The following BPIFB3 variants were observed in gnomAD, a reference collection of about 807,000 sequenced individuals.
The protein encoded by BPIFB3 is BPI fold-containing family B member 3.
Under a neutral mutation model 53.1 loss-of-function variants are expected in BPIFB3, and 49 were observed. The observed-to-expected ratio is 0.92, with a 90% CI of 0.73 to 1.17. The LOEUF (loss-of-function observed/expected upper bound fraction) is 1.17. BPIFB3 is among the 50% of genes most tolerant of loss of function. The probability of loss-of-function intolerance (pLI) is 0.00; values close to 1 mark genes in which losing one functional copy is unlikely to be tolerated. For synonymous variants in BPIFB3, 271 were observed against 269.6 expected (o/e 1.01, Z -0.05); for missense variants, 628 against 592.5 (o/e 1.06, Z -0.62).
chr20:33,056,619 T>C, exon 2 of BPIFB3: 2 of 1,613,886 alleles, frequency 1.2e-6, no homozygotes, highest in Non-Finnish European at 1.7e-6. Context: ...CCGGGGCCTC[T>C]TGGGCTCAGG....
rs143149440 is a variant in BPIFB3 at position 33,064,701 on chromosome 20, C to A, written c.780C>A (p.Asp260Glu). The A allele has an allele frequency of 1.4e-3, 2,265 of 1,614,056 alleles. 5 individuals carry two copies. The highest frequency in any genetic ancestry group is 1.8e-3 in the Non-Finnish European group (2,127 of 1,179,968). Residue 260 changes from aspartate to glutamate, a missense_variant, in exon 8 of 15, where the codon GAC (aspartate) becomes GAA (glutamate). Coordinates refer to ENST00000375494, the Ensembl canonical transcript of BPIFB3. ...AGAGTGTAGCTGGTGATATCATTGA[C>A]TTCCCCAAGTCCCGTGCCCCAGCCA...
At chr20:33,059,294 G>A in intron 2 of BPIFB3, 84 bp from the exon 4 acceptor site, 1 of 931,118 alleles carries the variant, frequency 1.1e-6, no homozygotes, top group Admixed American at 2.0e-5. Context: ...GGTGAGATAG[G>A]GGACACCACC....
Position 33,056,702 on chromosome 20 carries a change from A to G in BPIFB3, c.281+4A>G. On this transcript the variant is annotated splice_donor_region_variant and intron_variant, in intron 2 of 14. Coordinates refer to ENST00000375494, the Ensembl canonical transcript of BPIFB3. ...GCGTTGTCGAGGAGCTCTCTGGGTG[A>G]GTCCCACCTGCTGCATGCCCTACAG... 1 of 1,578,372 alleles carries G rather than the reference A, an allele frequency of 6.3e-7. No individual in the cohort carries two copies. Among genetic ancestry groups the G allele is most frequent in the Non-Finnish European group, 8.6e-7 (1 of 1,163,844 alleles).
chr20:33,056,366 C>A (rs1016245319), intron 1 of BPIFB3, among the ~76,000 whole-genome samples, 176 bp from the exon 3 acceptor site: 3 of 152,182 alleles, frequency 2.0e-5, no homozygotes, highest in African/African-American at 7.2e-5. Flanking sequence ...ACAGGCCCTG[C>A]GGTGGGAGTA....
chr20:33,059,353 A>C (rs1006061723), intron 2 of BPIFB3, 25 bp from the exon 4 acceptor site: 21 of 1,568,786 alleles, frequency 1.3e-5, no homozygotes, highest in Admixed American at 1.7e-5. Flanking sequence ...GGAGTGAGCA[A>C]CCCTCTCCCT....
At chr20:33,055,782 T>C (rs1045473326) in intron 1 of BPIFB3, among the ~76,000 whole-genome samples, 2 of 152,088 alleles carry the variant, frequency 1.3e-5, no homozygotes. Context: ...CTGAGGCTGT[T>C]TGGGGACTGT....
At chr20:33,068,481 A>G (rs1467787172) in intron 9 of BPIFB3, among the ~76,000 whole-genome samples, 2 of 152,150 alleles carry the variant, frequency 1.3e-5, no homozygotes, top group Admixed American at 6.5e-5. Context: ...GTGAGTCTGG[A>G]GGGAGAACGC....
intron 6 of BPIFB3, 77 bp from the exon 8 acceptor site, chr20:33,064,380 C>G: frequency 8.4e-7 from 1 of 1,193,106 alleles, no homozygotes; most frequent in Non-Finnish European, 1.2e-6. Context: ...AGCAGACACT[C>G]AATAAATGGA....
intron 8 of BPIFB3, among the ~76,000 whole-genome samples, chr20:33,065,196 G>A (rs932665834): frequency 1.1e-4 from 16 of 152,156 alleles, no homozygotes; most frequent in African/African-American, 3.9e-4. Context: ...AAGCACTAAA[G>A]TGTGAACCAC....
In BPIFB3 at chr20:33,060,140, T is replaced by A. The variant is rs368915799; in HGVS notation, c.527+109T>A. 786 of 1,423,328 alleles carry A rather than the reference T, an allele frequency of 5.5e-4. 3 individuals carry two copies. Among genetic ancestry groups the A allele is most frequent in the Middle Eastern group, 1.7e-3 (9 of 5,370 alleles). The allele number at this position is 1,423,328 out of a possible 1,614,324, so 88.2% of individuals were successfully genotyped here. A position where few individuals can be genotyped will look rare whatever the true frequency, so the allele number is the denominator to read the frequency against. On this transcript the variant is annotated intron_variant, in intron 4 of 14. Coordinates refer to ENST00000375494, the Ensembl canonical transcript of BPIFB3. ...AGCTGCCAGCTGCGGGGGCCTGAACTCGTCCTACCCCTGCTTGTCCCGCCG... is the reference window on the plus strand; with the variant it reads ...AGCTGCCAGCTGCGGGGGCCTGAACACGTCCTACCCCTGCTTGTCCCGCCG...
upstream of BPIFB3, among the ~76,000 whole-genome samples, chr20:33,054,680 A>T (rs1001081063): frequency 1.3e-5 from 2 of 152,184 alleles, no homozygotes; most frequent in African/African-American, 4.8e-5. Flanking sequence ...CCTGGGTTTC[A>T]ACCCAGGGCA....
At chr20:33,073,478 G>A (rs1438027239) in intron 14 of BPIFB3, 98 bp from the exon 16 acceptor site, 1 of 1,309,018 alleles carries the variant, frequency 7.6e-7, no homozygotes, top group Non-Finnish European at 1.1e-6. Flanking sequence ...TGTGTTCCAG[G>A]TACAGGGCCA....
chr20:33,059,529 C>G, intron 3 of BPIFB3, 47 bp downstream of exon 4: 1 of 1,407,678 alleles, frequency 7.1e-7, no homozygotes, highest in Non-Finnish European at 9.9e-7. Flanking sequence ...CTATCCCACC[C>G]CCTGACCTGT....
exon 1 of BPIFB3, chr20:33,055,515 T>A (rs1600534207): frequency 6.2e-7 from 1 of 1,613,638 alleles, no homozygotes; most frequent in East Asian, 2.2e-5. Flanking sequence ...GTGGGCACGC[T>A]CGCTCGGATT....
chr20:33,072,012 C>T (rs897151579), intron 12 of BPIFB3, 92 bp from the exon 14 acceptor site: 8 of 1,351,764 alleles, frequency 5.9e-6, no homozygotes, highest in Non-Finnish European at 8.4e-6. Context: ...GCAGCTGGGC[C>T]CCTGGGTTTC....
At chr20:33,058,160 C>G (rs901609275) in intron 2 of BPIFB3, among the ~76,000 whole-genome samples, 1 of 152,218 alleles carries the variant, frequency 6.6e-6, no homozygotes, top group Non-Finnish European at 1.5e-5. Context: ...GGTCAAACAA[C>G]AGGGCCCAGG....
chr20:33,061,318 A>G (rs1980443121), intron 4 of BPIFB3, among the ~76,000 whole-genome samples: 1 of 151,920 alleles, frequency 6.6e-6, no homozygotes, highest in African/African-American at 2.4e-5. Flanking sequence ...GCCTGTCTAC[A>G]TGCACTTATC....
chr20:33,062,826 C>T (rs1328714869), intron 5 of BPIFB3, among the ~76,000 whole-genome samples: 12 of 152,182 alleles, frequency 7.9e-5, no homozygotes, highest in Non-Finnish European at 1.6e-4. Flanking sequence ...CTTTCTCCAT[C>T]CCCAGCAGAG....
At chr20:33,063,629 G>A (rs1201759245) in exon 6 of BPIFB3, 1 of 1,614,086 alleles carries the variant, frequency 6.2e-7, no homozygotes, top group South Asian at 1.1e-5. Flanking sequence ...GCCCCGTGGT[G>A]GACAGTGTGC....
Sources: allele counts gnomAD v4.1 joint callset (sites outside exome capture counted in the v4.1 genomes callset), GRCh38; gene constraint gnomAD v4.1.1; transcripts MANE v1.5; gene names NCBI Gene and HGNC (gene_info 2026-07-23, HGNC 2026-07-21).